The following UBASH3A variants were observed in gnomAD, a reference collection of about 807,000 sequenced individuals.
UBASH3A encodes the protein ubiquitin associated and SH3 domain containing A, also known as ubiquitin-associated and SH3 domain-containing protein A.
Under a neutral mutation model 73.5 loss-of-function variants are expected in UBASH3A, and 63 were observed. The observed-to-expected ratio is 0.86, with a 90% confidence interval of 0.70 to 1.06. The LOEUF (loss-of-function observed/expected upper bound fraction) is 1.06, where lower values mean the gene tolerates loss of function less well. UBASH3A is among the 50% of genes least tolerant of loss of function. UBASH3A has a pLI of 0.00. For missense variants in UBASH3A, 860 were observed against 859.0 expected, an observed-to-expected ratio of 1.00 and a Z score of -0.02; for synonymous variants, 363 against 351.1, an observed-to-expected ratio of 1.03 and a Z score of -0.38.
intron 7 of UBASH3A, among the ~76,000 whole-genome samples, chr21:42,424,325 A>T (rs2053397175): frequency 6.6e-6 from 1 of 152,162 alleles, no homozygotes; most frequent in Admixed American, 6.5e-5. Flanking sequence ...CTTGTCAATT[A>T]ACACACCAGT....
intron 7 of UBASH3A, among the ~76,000 whole-genome samples, chr21:42,420,038 G>T (rs530941965): frequency 6.6e-6 from 1 of 152,268 alleles, no homozygotes; most frequent in Admixed American, 6.5e-5. Flanking sequence ...TCCACTGTTT[G>T]TTAGAGTAGC....
chr21:42,421,085 A>C (rs1482454902), intron 7 of UBASH3A, among the ~76,000 whole-genome samples: 1 of 152,220 alleles, frequency 6.6e-6, no homozygotes, highest in Non-Finnish European at 1.5e-5. Flanking sequence ...AGCCATTGCA[A>C]AGTGTTAAGG....
rs909188934 is a variant in UBASH3A at position 42,418,389 on chromosome 21, C to T, written c.838-12C>T. ...TTGCTCGAGACGTGAAACCCCTTTG[C>T]CTCTTTTCTAGACCCTGAGAGCCCT... On this transcript the variant is annotated splice_polypyrimidine_tract_variant and intron_variant, in intron 6 of 14. Coordinates refer to ENST00000319294, the MANE Select transcript of UBASH3A (RefSeq NM_018961.4). The T allele has an allele frequency of 3.7e-6, 6 of 1,603,866 alleles. No individual in the cohort carries two copies. Among genetic ancestry groups the T allele is most frequent in the Non-Finnish European group, 5.1e-6 (6 of 1,171,338 alleles).
At chr21:42,415,949 G>A (rs760378162) in intron 5 of UBASH3A, among the ~76,000 whole-genome samples, 1 of 152,146 alleles carries the variant, frequency 6.6e-6, no homozygotes, top group Non-Finnish European at 1.5e-5. Flanking sequence ...AGGGGCAGAG[G>A]ACACCCAAAA....
Position 42,403,963 on chromosome 21 carries a change from G to A in UBASH3A, c.18G>A (p.Thr6=), listed in dbSNP as rs761603789. 8.6e-6 allele frequency: 13 copies of A among 1,515,360 alleles called. No individual in the cohort carries two copies. Among genetic ancestry groups the A allele is most frequent in the South Asian group, 7.5e-5 (6 of 79,716 alleles). The allele number at this position is 1,515,360 out of a possible 1,614,324, so 93.9% of individuals were successfully genotyped here. The stretch of plus-strand genomic sequence containing the variant: ...AGGAAGAGATGGCAGCGGGGGAGAC[G>A]CAGCTCTACGCCAAGGTCTCCAACA... The part of the protein sequence containing the change: MAAGE[T]QLYAKVSNKL... The change falls in exon 1 of 15, where the codon ACG becomes ACA. Residue 6 remains threonine (T), a synonymous_variant. Coordinates refer to ENST00000319294, the MANE Select transcript of UBASH3A (RefSeq NM_018961.4).
intron 7 of UBASH3A, among the ~76,000 whole-genome samples, chr21:42,422,529 G>A (rs983906727): frequency 6.6e-5 from 10 of 152,132 alleles, no homozygotes; most frequent in Admixed American, 1.3e-4. Flanking sequence ...AGAGGAAGCC[G>A]GATTCCAGTC....
intron 7 of UBASH3A, among the ~76,000 whole-genome samples, chr21:42,424,568 G>T (rs1430538780): frequency 2.0e-5 from 3 of 152,208 alleles, no homozygotes; most frequent in African/African-American, 4.8e-5. Context: ...CAACAGGGGG[G>T]CTTGAGTGTG....
intron 8 of UBASH3A, among the ~76,000 whole-genome samples, chr21:42,428,994 G>C (rs2053485691): frequency 6.6e-6 from 1 of 152,154 alleles, no homozygotes; most frequent in Admixed American, 6.5e-5. Context: ...GGAGGGTCTT[G>C]AAATGAGGAA....
chr21:42,444,931 G>A (rs2053820702), intron 14 of UBASH3A, among the ~76,000 whole-genome samples: 1 of 152,190 alleles, frequency 6.6e-6, no homozygotes, highest in African/African-American at 2.4e-5. Context: ...AGACGGTCCA[G>A]GAAGGAGTAA....
intron 14 of UBASH3A, 120 bp downstream of exon 14, chr21:42,444,763 C>A: frequency 1.2e-6 from 1 of 809,712 alleles, no homozygotes; most frequent in Non-Finnish European, 2.1e-6. Context: ...CACCAGGATC[C>A]ACGTGCCCCC....
rs372110531 is a variant in UBASH3A, at chr21:42,406,328, C to T, written c.134C>T (p.Thr45Met). ...TGCAGGCTGAAAGCGTTGGCAGCCA[C>T]GGGGAGGAAGACGGCGGAGGAGGCC... Reference protein sequence around the residue: ...VHTALKALAATGRKTAEEALA... With the variant: ...VHTALKALAAMGRKTAEEALA... The change falls in exon 2 of 15, where the codon ACG becomes ATG. Residue 45 changes from threonine (T) to methionine (M), a missense_variant. Thr to Met is a moderately conservative substitution (Grantham distance 81). Transcript: ENST00000319294. The T allele has an allele frequency of 6.0e-5, 97 of 1,614,016 alleles. 1 individual carries two copies. The highest frequency in any genetic ancestry group is 8.9e-5 in the East Asian group (4 of 44,876).
At chr21:42,431,099 T>G (rs1354486857) in intron 8 of UBASH3A, among the ~76,000 whole-genome samples, 1 of 152,186 alleles carries the variant, frequency 6.6e-6, no homozygotes, top group Non-Finnish European at 1.5e-5. Context: ...CTCTGCTCTC[T>G]GGTCCCAGGG....
chr21:42,418,583 T>A lies in UBASH3A; in HGVS notation c.1020T>A (p.Ser340Arg). The A allele has an allele frequency of 6.2e-7, 1 of 1,614,138 alleles. No homozygotes were observed. Among genetic ancestry groups the A allele is most frequent in the African/African-American group, 1.3e-5 (1 of 75,060 alleles). The change falls in exon 7 of 15, where the codon AGT becomes AGA. Residue 340 changes from serine (S) to arginine (R), a missense_variant. Ser to Arg is a moderately radical substitution (Grantham distance 110, BLOSUM62 -1). Transcript: ENST00000319294. ...FLPENYTDRA[S>R]ESDTWVKHRM... ...CGGAAAACTACACGGATCGAGCCAG[T>A]GAGTCTGACACGTGGGTGAAGCACA...
chr21:42,427,272 A>T (rs1458001314), intron 8 of UBASH3A, among the ~76,000 whole-genome samples: 2 of 152,194 alleles, frequency 1.3e-5, no homozygotes, highest in Non-Finnish European at 2.9e-5. Flanking sequence ...CCAGGAGTGC[A>T]GGCTGCCAGG....
intron 14 of UBASH3A, 73 bp from the exon 15 acceptor site, chr21:42,446,984 T>G: frequency 6.6e-7 from 1 of 1,526,190 alleles, no homozygotes; most frequent in Admixed American, 1.8e-5. Flanking sequence ...GCCTGACAGT[T>G]GGCTTTGGAG....
chr21:42,438,558 T>C (rs1425530230), intron 11 of UBASH3A, among the ~76,000 whole-genome samples: 2 of 149,912 alleles, frequency 1.3e-5, no homozygotes, highest in Admixed American at 6.6e-5. Context: ...AGGTGGAGAG[T>C]GGGATGCAGG....
chr21:42,423,786 G>T (rs2053384535), intron 7 of UBASH3A, among the ~76,000 whole-genome samples: 1 of 152,160 alleles, frequency 6.6e-6, no homozygotes, highest in Admixed American at 6.5e-5. Context: ...AACAAAAATT[G>T]CAATGAAAGG....
intron 7 of UBASH3A, among the ~76,000 whole-genome samples, chr21:42,420,405 AT>A (rs2053315488): frequency 1.3e-5 from 2 of 152,266 alleles, no homozygotes; most frequent in Non-Finnish European, 1.5e-5. Context: ...AATCTTTTGA[AT>A]ATTTTTGGCC....
At chr21:42,415,992 T>G (rs2146517025) in intron 5 of UBASH3A, among the ~76,000 whole-genome samples, 1 of 152,310 alleles carries the variant, frequency 6.6e-6, no homozygotes, top group East Asian at 1.9e-4. Flanking sequence ...CAGGACTTCC[T>G]GCTTCACCAA....
Sources: gnomAD v4.1 joint callset for allele counts (sites outside exome capture counted in the v4.1 genomes callset) on GRCh38, gnomAD v4.1.1 for gene constraint, MANE v1.5 for transcripts, NCBI Gene and HGNC (gene_info 2026-07-23, HGNC 2026-07-21) for gene names.